The following RSRC1 variants were observed in gnomAD, a reference collection of about 807,000 sequenced individuals.
The protein encoded by RSRC1 is serine/Arginine-related protein 53.
A neutral mutation model predicts 49.1 loss-of-function variants in RSRC1; 39 were observed. That is an observed-to-expected ratio of 0.79 (90% CI 0.61 to 1.04). RSRC1 has a LOEUF of 1.04. RSRC1 is among the 50% of genes least tolerant of loss of function. RSRC1 has a pLI of 0.00. For missense variants in RSRC1, 388 were observed against 402.4 expected, an observed-to-expected ratio of 0.96 and a Z score of 0.31; for synonymous variants, 143 against 130.8, an observed-to-expected ratio of 1.09 and a Z score of -0.63.
Position 158,166,284 on chromosome 3 carries a change from A to T in RSRC1, c.321-36788A>T, listed in dbSNP as rs531132572. Among the ~76,000 whole-genome samples the T allele has an allele frequency of 6.6e-5, 10 of 152,024 alleles. No homozygotes were observed. In the East Asian group the frequency reaches 1.9e-3, roughly 29 times the overall value. On this transcript the variant is annotated intron_variant, in intron 3 of 9. Coordinates refer to ENST00000611884, the MANE Select transcript of RSRC1 (RefSeq NM_001271838.2). ...TGTGTCATTCTTTATAATATAATTG[A>T]TATAAAGTTTTTTAATCATATGATA...
At chr3:158,393,236 C>G (rs965195512) in intron 6 of RSRC1, among the ~76,000 whole-genome samples, 5 of 151,900 alleles carry the variant, frequency 3.3e-5, no homozygotes, top group Non-Finnish European at 5.9e-5. Flanking sequence ...AAATTATCAA[C>G]CTAGCATCAC....
chr3:158,244,148 C>A (rs946872373), intron 4 of RSRC1, among the ~76,000 whole-genome samples: 3 of 152,088 alleles, frequency 2.0e-5, no homozygotes, highest in African/African-American at 7.2e-5. Context: ...CTGGCCAGAA[C>A]TTCCAATACT....
chr3:158,467,237 A>G (rs935942322), intron 7 of RSRC1, among the ~76,000 whole-genome samples: 17 of 152,206 alleles, frequency 1.1e-4, no homozygotes, highest in African/African-American at 4.1e-4. Flanking sequence ...CTGTATGAAA[A>G]ATCAGTCAAA....
At chr3:158,304,209 A>G (rs1727722088) in intron 5 of RSRC1, among the ~76,000 whole-genome samples, 1 of 152,192 alleles carries the variant, frequency 6.6e-6, no homozygotes, top group African/African-American at 2.4e-5. Flanking sequence ...TTATAAGAAT[A>G]TAGTTCTGCT....
intron 7 of RSRC1, among the ~76,000 whole-genome samples, chr3:158,486,689 A>G (rs1416856976): frequency 6.6e-6 from 1 of 152,122 alleles, no homozygotes; most frequent in Non-Finnish European, 1.5e-5. Context: ...TTAAGTTTAT[A>G]TTAAATGCCT....
chr3:158,425,359 GGTT>G (rs1411003283), intron 6 of RSRC1, among the ~76,000 whole-genome samples: 2 of 152,036 alleles, frequency 1.3e-5, no homozygotes, highest in African/African-American at 4.8e-5. Context: ...TTCAGGAGCA[GGTT>G]GTTCAGTTTC....
At chr3:158,330,905 G>A (rs1450866869) in intron 5 of RSRC1, among the ~76,000 whole-genome samples, 2 of 146,186 alleles carry the variant, frequency 1.4e-5, no homozygotes, top group Admixed American at 6.9e-5. Context: ...AAAAAAAAAG[G>A]TTTAATGGAC....
At chr3:158,310,541 G>A (rs1474363925) in intron 5 of RSRC1, among the ~76,000 whole-genome samples, 1 of 151,716 alleles carries the variant, frequency 6.6e-6, no homozygotes, top group African/African-American at 2.4e-5. Flanking sequence ...ACCTTTAAGG[G>A]AGTTGTAATC....
chr3:158,173,063 A>AT (rs1176756960), intron 3 of RSRC1, among the ~76,000 whole-genome samples: 1 of 152,000 alleles, frequency 6.6e-6, no homozygotes, highest in Non-Finnish European at 1.5e-5. Context: ...GATTTGTATA[A>AT]TTAAATTTTT....
At chr3:158,222,696 A>G (rs1439823419) in intron 4 of RSRC1, among the ~76,000 whole-genome samples, 3 of 151,508 alleles carry the variant, frequency 2.0e-5, no homozygotes, top group Non-Finnish European at 4.4e-5. Flanking sequence ...TTTATTATCC[A>G]TCACCACTTT....
intron 4 of RSRC1, among the ~76,000 whole-genome samples, chr3:158,236,772 A>G (rs1334466411): frequency 6.6e-6 from 1 of 152,222 alleles, no homozygotes; most frequent in South Asian, 2.1e-4. Flanking sequence ...AAGAATTGCT[A>G]TCCCTGCAGA....
intron 4 of RSRC1, among the ~76,000 whole-genome samples, chr3:158,222,359 T>C (rs369791031): frequency 6.6e-6 from 1 of 151,568 alleles, no homozygotes; most frequent in Non-Finnish European, 1.5e-5. Context: ...CTATAGTTAA[T>C]AGCAATGTAT....
intron 5 of RSRC1, among the ~76,000 whole-genome samples, chr3:158,304,369 A>G (rs751968532): frequency 2.6e-5 from 4 of 152,148 alleles, no homozygotes; most frequent in Non-Finnish European, 4.4e-5. Flanking sequence ...TAATAGTTCT[A>G]TTTAACACAA....
intron 3 of RSRC1, among the ~76,000 whole-genome samples, chr3:158,199,200 G>C (rs1720873691): frequency 6.6e-6 from 1 of 151,778 alleles, no homozygotes; most frequent in African/African-American, 2.4e-5. Context: ...GCTACTCCTT[G>C]CCTTCCACCA....
At chr3:158,112,490 A>C (rs1333062509) in intron 1 of RSRC1, among the ~76,000 whole-genome samples, 1 of 152,196 alleles carries the variant, frequency 6.6e-6, no homozygotes, top group African/African-American at 2.4e-5. Context: ...CCCTTTTGTG[A>C]ATAAATGTTT....
chr3:158,437,263 T>C (rs1275955800), intron 6 of RSRC1, among the ~76,000 whole-genome samples: 1 of 152,108 alleles, frequency 6.6e-6, no homozygotes, highest in Non-Finnish European at 1.5e-5. Flanking sequence ...TTTTCACCTA[T>C]TATAGCTTAT....
chr3:158,122,258 T>G lies in RSRC1; in HGVS notation c.154T>G (p.Ser52Ala). The G allele has an allele frequency of 1.9e-6, 3 of 1,599,320 alleles. No individual in the cohort carries two copies. Among genetic ancestry groups the G allele is most frequent in the Non-Finnish European group, 2.6e-6 (3 of 1,172,516 alleles). ...ATCAAGATCAAAGTCAAGATCTTGGTCCAGAGATCTTCAGCCTCGTTCACA... is the reference window on the plus strand; with the variant it reads ...ATCAAGATCAAAGTCAAGATCTTGGGCCAGAGATCTTCAGCCTCGTTCACA... ...RKSRSKSRSW[S>A]RDLQPRSHSY... is the part of the protein sequence containing the mutation. Residue 52 changes from serine (S) to alanine (A), a missense_variant, in exon 2 of 10, where the codon TCC (serine) becomes GCC (alanine). Physicochemically the swap from Ser to Ala is moderately conservative, Grantham distance 99. Transcript: ENST00000611884.
Position 158,544,874 on chromosome 3 carries a change from C to G in RSRC1, c.*599C>G, listed in dbSNP as rs1713236909. 6.6e-6 allele frequency: 1 copy of G among 152,180 alleles called. No individual in the cohort carries two copies. Among genetic ancestry groups the G allele is most frequent in the Non-Finnish European group, 1.5e-5 (1 of 68,030 alleles). 9.4% of individuals were successfully genotyped at this position (152,180 alleles called of 1,614,324 possible). A position where few individuals can be genotyped will look rare whatever the true frequency, so the allele number is the denominator to read the frequency against. Reference sequence around the variant, plus strand: ...GCTCCTTTACAACATGTTAGCAGATCTCAGCTCATTGTTTTAGAAATCACA... The same window carrying G: ...GCTCCTTTACAACATGTTAGCAGATGTCAGCTCATTGTTTTAGAAATCACA... On this transcript the variant is annotated 3_prime_UTR_variant, in exon 10 of 10. Coordinates refer to ENST00000611884, the MANE Select transcript of RSRC1 (RefSeq NM_001271838.2).
intron 4 of RSRC1, among the ~76,000 whole-genome samples, chr3:158,268,056 C>T (rs1251024964): frequency 9.9e-5 from 15 of 151,950 alleles, no homozygotes; most frequent in Admixed American, 9.8e-4. Context: ...TAGACTGGCT[C>T]TGTGGCATAG....
Sources: gnomAD v4.1 joint callset for allele counts (sites outside exome capture counted in the v4.1 genomes callset) on GRCh38, gnomAD v4.1.1 for gene constraint, MANE v1.5 for transcripts, NCBI Gene and HGNC (gene_info 2026-07-23, HGNC 2026-07-21) for gene names.